Variants in TRIOBP observed in about 807,000 individuals in gnomAD.
The protein encoded by TRIOBP is TRIO and F-actin binding protein.
In TRIOBP, 169 loss-of-function variants were observed where a neutral mutation model predicts 238.8. The ratio of observed to expected loss-of-function variants is 0.71; its 90% CI spans 0.62 to 0.80. The LOEUF (loss-of-function observed/expected upper bound fraction) is 0.80, where lower values mean the gene tolerates loss of function less well. Among genes scored for constraint, TRIOBP ranks in the 30% least tolerant of loss-of-function variants. The probability of loss-of-function intolerance (pLI) is 0.00; values close to 1 mark genes in which losing one functional copy is unlikely to be tolerated. For synonymous variants in TRIOBP, 1,150 were observed against 1,274.4 expected, an observed-to-expected ratio of 0.90 and a Z score of 2.08; for missense variants, 2,838 against 3,122.6, an observed-to-expected ratio of 0.91 and a Z score of 2.17.
rs1926930526 is a variant in TRIOBP at position 37,774,155 on chromosome 22, C to T, written c.*375C>T. 6.8e-6 allele frequency: 1 copy of T among 148,066 alleles called. No individual in the cohort carries two copies. 9.2% of individuals were successfully genotyped at this position (148,066 alleles called of 1,614,324 possible). A position where few individuals can be genotyped will look rare whatever the true frequency, so the allele number is the denominator to read the frequency against. On this transcript the variant is annotated 3_prime_UTR_variant, in exon 24 of 24. Coordinates refer to ENST00000644935, the MANE Select transcript of TRIOBP (RefSeq NM_001039141.3). ...AAAAAAAAAAAGCAATTCCTGGTGGCTGTGTGCCTCCAACCCTGGTCCCCC... is the reference window on the plus strand; with the variant it reads ...AAAAAAAAAAAGCAATTCCTGGTGGTTGTGTGCCTCCAACCCTGGTCCCCC...
rs1041340033 is a variant in TRIOBP at position 37,735,016 on chromosome 22, G to A, written c.4680G>A (p.Arg1560=). The change falls in exon 9 of 24, where the codon AGG becomes AGA. Residue 1560 remains arginine (R), a synonymous_variant. Coordinates refer to ENST00000644935, the MANE Select transcript of TRIOBP (RefSeq NM_001039141.3). ...AGAGGCGACCCGAGCTTGACTGGAG[G>A]GATCTGCTTGGCCTTCTCCGGGCAC... ...GSERRPELDW[R]DLLGLLRAPG... 6.2e-7 allele frequency: 1 copy of A among 1,611,820 alleles called. No homozygotes were observed. Among genetic ancestry groups the A allele is most frequent in the Admixed American group, 1.7e-5 (1 of 59,984 alleles).
At position 37,725,425 on chromosome 22, in the gene TRIOBP, C is replaced by G. The variant is rs370714631; in HGVS notation, c.2869C>G (p.Gln957Glu). The change falls in exon 7 of 24, where the codon CAG becomes GAG. Residue 957 changes from glutamine (Q) to glutamate (E), a missense_variant. Gln to Glu is a conservative substitution (Grantham distance 29). Coordinates refer to ENST00000644935, the MANE Select transcript of TRIOBP (RefSeq NM_001039141.3). The stretch of plus-strand genomic sequence containing the variant: ...GACATCCTCTCCCAGCAGGCCAGCC[C>G]AGCATGACCCACCCCAGTCCTCCTT... Reference protein sequence around the residue: ...PQTSSPSRPAQHDPPQSSFGP... With the variant: ...PQTSSPSRPAEHDPPQSSFGP... 19 of 1,610,532 alleles carry G rather than the reference C, an allele frequency of 1.2e-5. No individual in the cohort carries two copies. The African/African-American group carries it at 1.9e-4, about 16-fold the overall frequency.
At chr22:37,723,164 G>A (rs1601630172) in intron 6 of TRIOBP, 21 bp from the exon 7 acceptor site, 1 of 1,613,310 alleles carries the variant, frequency 6.2e-7, no homozygotes, top group Non-Finnish European at 8.5e-7. Flanking sequence ...CTTACCTTGA[G>A]CCCCTCTCTT....
rs770822990 is a variant in TRIOBP at position 37,715,852 on chromosome 22, G to A, written c.546G>A (p.Pro182=). Residue 182 remains proline, a synonymous_variant, in exon 6 of 24, where the codon CCG becomes CCA. Coordinates refer to ENST00000644935, the MANE Select transcript of TRIOBP (RefSeq NM_001039141.3). ...VMIPRRPREG[P]RADSSQRAPS... is the part of the protein sequence containing the mutation. ...TCCCGAGGAGGCCTCGGGAGGGGCC[G>A]AGAGCTGACAGCTCCCAAAGGGCTC... 17 of 1,613,886 alleles carry A rather than the reference G, an allele frequency of 1.1e-5. No homozygotes were observed. The highest frequency in any genetic ancestry group is 8.8e-5 in the South Asian group (8 of 91,078).
rs148720144 is a variant in TRIOBP at position 37,747,972 on chromosome 22, T to C, written c.5323-3800T>C. Among the ~76,000 whole-genome samples the C allele has an allele frequency of 7.2e-5, 11 of 152,344 alleles. No individual in the cohort carries two copies. The East Asian group carries it at 2.1e-3, about 29-fold the overall frequency. On this transcript the variant is annotated intron_variant, in intron 11 of 23. Transcript: ENST00000644935. Reference sequence around the variant, plus strand: ...TGGAAGATGGACAGCACATCCCTGCTGGTGGCAGCAGCCTTCCTGAGGGAG... The same window carrying C: ...TGGAAGATGGACAGCACATCCCTGCCGGTGGCAGCAGCCTTCCTGAGGGAG...
intron 11 of TRIOBP, among the ~76,000 whole-genome samples, chr22:37,747,262 T>C (rs1472999445): frequency 6.6e-6 from 1 of 152,202 alleles, no homozygotes; most frequent in Non-Finnish European, 1.5e-5. Context: ...AGTAGCTCCT[T>C]TCCCTGTCCT....
rs774935684 is a variant in TRIOBP, at chr22:37,724,713, C to T, written c.2157C>T (p.Asn719=). The T allele has an allele frequency of 9.3e-6, 15 of 1,612,584 alleles. 1 individual carries two copies. Among genetic ancestry groups the T allele is most frequent in the South Asian group, 7.7e-5 (7 of 91,032 alleles). ...SSPNRTTQQE[N]PRTSCARRDN... Reference sequence around the variant, plus strand: ...CTAACAGAACCACCCAACAAGAGAACCCCAGAACATCCTGTGCCCGACGGG... The same window carrying T: ...CTAACAGAACCACCCAACAAGAGAATCCCAGAACATCCTGTGCCCGACGGG... The change falls in exon 7 of 24, where the codon AAC becomes AAT. Residue 719 remains asparagine, a synonymous_variant. Transcript: ENST00000644935.
intron 17 of TRIOBP, among the ~76,000 whole-genome samples, chr22:37,764,828 G>A (rs541802605): frequency 1.3e-5 from 2 of 152,222 alleles, no homozygotes; most frequent in African/African-American, 2.4e-5. Context: ...CTAGACCCTG[G>A]GGACTGCGCC....
At chr22:37,735,499 G>A (rs968602342) in intron 9 of TRIOBP, 57 bp downstream of exon 9, 4 of 1,534,656 alleles carry the variant, frequency 2.6e-6, no homozygotes, top group African/African-American at 1.4e-5. Context: ...ACTCAGCCAA[G>A]TCTCCTTGGA....
At chr22:37,743,929 AG>A (rs1925088668) in intron 11 of TRIOBP, among the ~76,000 whole-genome samples, 1 of 150,478 alleles carries the variant, frequency 6.6e-6, no homozygotes, top group Admixed American at 6.6e-5. Context: ...TTCCAGGCAC[AG>A]CAGAGAACCA....
chr22:37,712,713 T>C (rs552212927), intron 4 of TRIOBP, among the ~76,000 whole-genome samples: 2 of 151,630 alleles, frequency 1.3e-5, no homozygotes, highest in African/African-American at 2.4e-5. Context: ...TCCCAGCACT[T>C]TGGGAGTCCG....
At chr22:37,765,596 C>T (rs2145878066) in intron 17 of TRIOBP, 74 bp from the exon 18 acceptor site, 3 of 1,542,788 alleles carry the variant, frequency 1.9e-6, no homozygotes, top group East Asian at 2.4e-5. Flanking sequence ...TGAGCCTTCT[C>T]CTCTGGAGGC....
At position 37,725,113 on chromosome 22, in the gene TRIOBP, C is replaced by G; in HGVS notation, c.2557C>G (p.Arg853Gly). 1 of 1,614,134 alleles carries G rather than the reference C, an allele frequency of 6.2e-7. No individual in the cohort carries two copies. Among genetic ancestry groups the G allele is most frequent in the Non-Finnish European group, 8.5e-7 (1 of 1,180,008 alleles). The change falls in exon 7 of 24, where the codon CGC becomes GGC. Residue 853 changes from arginine to glycine, a missense_variant. Around this residue, in one of 5 missense-constraint regions of TRIOBP, gnomAD observed 2,096 missense variants for 2,137.4 expected, o/e 0.98. Coordinates refer to ENST00000644935, the MANE Select transcript of TRIOBP (RefSeq NM_001039141.3). ...NLRPTCTQRD[R>G]TQSFSFQRDN... Reference sequence around the variant, plus strand: ...CAGACCCACTTGTACACAGCGGGACCGCACACAGTCCTTTTCCTTTCAACG... The same window carrying G: ...CAGACCCACTTGTACACAGCGGGACGGCACACAGTCCTTTTCCTTTCAACG...
At chr22:37,751,141 A>G (rs754940726) in intron 11 of TRIOBP, 4 of 430,052 alleles carry the variant, frequency 9.3e-6, no homozygotes, top group African/African-American at 6.2e-5. Context: ...TCCATGGGAC[A>G]TGCTGCAGCT....
Position 37,726,432 on chromosome 22 carries a change from G to T in TRIOBP, c.3876G>T (p.Gln1292His). 1.9e-6 allele frequency: 3 copies of T among 1,586,982 alleles called. No individual in the cohort carries two copies. Among genetic ancestry groups the T allele is most frequent in the Non-Finnish European group, 2.6e-6 (3 of 1,168,642 alleles). The change falls in exon 7 of 24, where the codon CAG becomes CAT. Residue 1292 changes from glutamine to histidine, a missense_variant. Around this residue, in one of 5 missense-constraint regions of TRIOBP, gnomAD observed 2,096 missense variants for 2,137.4 expected, o/e 0.98. Coordinates refer to ENST00000644935, the MANE Select transcript of TRIOBP (RefSeq NM_001039141.3). ...LAQRQPGPQA[Q>H]CSSGGRTHSP... ...AGAGACAGCCAGGGCCCCAGGCGCA[G>T]TGCAGCAGCGGGGGCCGCACCCACA...
intron 3 of TRIOBP, among the ~76,000 whole-genome samples, chr22:37,709,012 G>C (rs576703819): frequency 1.1e-3 from 162 of 152,318 alleles, no homozygotes; most frequent in Non-Finnish European, 1.7e-3. Context: ...TTTCTGCTGT[G>C]CTGTCCCCTG....
At position 37,771,766 on chromosome 22, in the gene TRIOBP, C is replaced by T. The variant is rs770902781; in HGVS notation, c.6936+30C>T. On this transcript the variant is annotated intron_variant, in intron 22 of 23. Coordinates refer to ENST00000644935, the MANE Select transcript of TRIOBP (RefSeq NM_001039141.3). ...GTCCTTCCGCTGGGCTGGGGGCCGT[C>T]GGGGACTCTGGAGCCATCTGGATGC... 14 of 1,608,688 alleles carry T rather than the reference C, an allele frequency of 8.7e-6. No individual in the cohort carries two copies. In the East Asian group the frequency reaches 1.3e-4, roughly 15 times the overall value.
chr22:37,743,870 G>GGT (rs10584080), intron 11 of TRIOBP, among the ~76,000 whole-genome samples: 4 of 143,226 alleles, frequency 2.8e-5, no homozygotes, highest in African/African-American at 5.2e-5. Flanking sequence ...GTGTGTGCTG[G>GGT]GTGTGTGTGT....
rs1286613597 is a variant in TRIOBP at position 37,757,980 on chromosome 22, C to T, written c.6055C>T (p.Gln2019Ter). ...GLGAPLTEDQ[Q>*]NRLSEEIEKK... ...GGGTGCCCCCCTGACTGAGGACCAG[C>T]AAAACCGGCTTAGTGAGGAGATCGA... The change falls in exon 16 of 24, where the codon CAA becomes TAA. Residue 2019 changes from glutamine (Q) to a stop codon, truncating the protein, a stop_gained. Coordinates refer to ENST00000644935, the MANE Select transcript of TRIOBP (RefSeq NM_001039141.3). LOFTEE classifies it high-confidence loss of function. 6.3e-7 allele frequency: 1 copy of T among 1,585,748 alleles called. No individual in the cohort carries two copies. Among genetic ancestry groups the T allele is most frequent in the African/African-American group, 1.3e-5 (1 of 74,180 alleles).
Sources: gnomAD v4.1 joint callset for allele counts (sites outside exome capture counted in the v4.1 genomes callset) on GRCh38, gnomAD v4.1.1 for gene constraint, gnomAD v4.1.1 regional missense constraint, MANE v1.5 for transcripts, NCBI Gene and HGNC (gene_info 2026-07-23, HGNC 2026-07-21) for gene names.